Variants in CATSPERE observed in about 807,000 individuals in gnomAD.
CATSPERE encodes the protein cation channel sperm-associated auxiliary subunit epsilon.
A neutral mutation model predicts 114.1 loss-of-function variants in CATSPERE; 93 were observed. The ratio of observed to expected loss-of-function variants is 0.81; its 90% CI spans 0.69 to 0.97. The LOEUF (loss-of-function observed/expected upper bound fraction) is 0.97, where lower values mean the gene tolerates loss of function less well. Ranked by LOEUF, CATSPERE falls within the 50% of genes least tolerant of loss-of-function variation. The pLI is 0.00. For missense variants in CATSPERE, 1,058 were observed against 1,131.6 expected (o/e 0.93, Z 0.93); for synonymous variants, 341 against 384.1 (o/e 0.89, Z 1.31).
intron 10 of CATSPERE, among the ~76,000 whole-genome samples, chr1:244,564,229 A>C (rs1663050525): frequency 6.6e-6 from 1 of 152,190 alleles, no homozygotes; most frequent in Non-Finnish European, 1.5e-5. Flanking sequence ...TGTCTTGGCT[A>C]TACAGGCTCT....
chr1:244,623,058 TTTTATTTATTTA>T (rs6143712), intron 20 of CATSPERE, among the ~76,000 whole-genome samples: 1 of 145,508 alleles, frequency 6.9e-6, no homozygotes. Context: ...TTTGTCTTAT[TTTTATTTATTTA>T]TTTATTTATT....
rs1026740979 is a variant in CATSPERE, at chr1:244,568,605, G to C, written c.1508-3725G>C. 1.3e-5 allele frequency among the ~76,000 whole-genome samples: 2 copies of C among 152,150 alleles called. No individual in the cohort carries two copies. The highest frequency in any genetic ancestry group is 4.8e-5 in the African/African-American group (2 of 41,448). On this transcript the variant is annotated intron_variant, in intron 10 of 21. Coordinates refer to ENST00000366534, the MANE Select transcript of CATSPERE (RefSeq NM_001130957.2). This position sits in a 1 kb window ranked among gnomAD's most constrained non-coding sequence, Gnocchi z 4.4. The stretch of plus-strand genomic sequence containing the variant: ...GCTGTGCCGAGCTGTGGTGGGCTCC[G>C]CCCAGTTAGAACTTCCTGGCAGCTT...
intron 5 of CATSPERE, among the ~76,000 whole-genome samples, chr1:244,487,296 G>A (rs1213246998): frequency 6.6e-6 from 1 of 152,070 alleles, no homozygotes; most frequent in African/African-American, 2.4e-5. Flanking sequence ...TAGTCACCTG[G>A]TGGGTGGTTC....
At chr1:244,526,762 C>A (rs1024232959) in intron 8 of CATSPERE, among the ~76,000 whole-genome samples, 10 of 151,894 alleles carry the variant, frequency 6.6e-5, no homozygotes, top group African/African-American at 2.2e-4. Flanking sequence ...GGAACCTGCC[C>A]CCGCTAGTCA....
At chr1:244,451,868 G>C, upstream of CATSPERE, 1 of 1,489,362 alleles carries the variant, frequency 6.7e-7, no homozygotes, top group Non-Finnish European at 8.9e-7. The surrounding 1 kb of genome is among the most constrained non-coding windows in gnomAD (Gnocchi z 6.6). Flanking sequence ...GGCGAGGAGT[G>C]AGCGAACTGA....
intron 7 of CATSPERE, 21 bp downstream of exon 7, chr1:244,499,100 C>A: frequency 1.3e-6 from 2 of 1,552,392 alleles, no homozygotes; most frequent in Non-Finnish European, 1.8e-6. Context: ...ACATTAGTAT[C>A]GTCATAGTAA....
At chr1:244,489,205 C>A (rs888030504) in intron 5 of CATSPERE, among the ~76,000 whole-genome samples, 65 of 152,248 alleles carry the variant, frequency 4.3e-4, no homozygotes, top group African/African-American at 1.5e-3. Context: ...CTCAAGCAGT[C>A]CTCCTGCCTC....
At chr1:244,625,094 T>A (rs756482405) in intron 20 of CATSPERE, among the ~76,000 whole-genome samples, 2 of 152,058 alleles carry the variant, frequency 1.3e-5, no homozygotes, top group Non-Finnish European at 2.9e-5. Flanking sequence ...TCTAGAATGG[T>A]GAATACTTTC....
chr1:244,599,250 A>G (rs944268625), intron 17 of CATSPERE, among the ~76,000 whole-genome samples: 1 of 152,166 alleles, frequency 6.6e-6, no homozygotes, highest in Admixed American at 6.6e-5. Context: ...CTAAATACAT[A>G]TATCACTTTT....
intron 8 of CATSPERE, among the ~76,000 whole-genome samples, chr1:244,538,767 C>T (rs1311131684): frequency 6.6e-6 from 1 of 152,186 alleles, no homozygotes; most frequent in Non-Finnish European, 1.5e-5. Context: ...GGACCCTTCA[C>T]AGGAGGCTTA....
At chr1:244,489,259 C>T (rs562415824) in intron 5 of CATSPERE, among the ~76,000 whole-genome samples, 23 of 152,226 alleles carry the variant, frequency 1.5e-4, no homozygotes, top group East Asian at 3.9e-4. Flanking sequence ...CCACCAGGCC[C>T]GGCCTGTTAT....
chr1:244,630,663 AG>A (rs1382622978), intron 20 of CATSPERE, among the ~76,000 whole-genome samples: 1 of 152,216 alleles, frequency 6.6e-6, no homozygotes, highest in African/African-American at 2.4e-5. Context: ...GTTAGCATGC[AG>A]GAAGTTTACT....
chr1:244,615,987 G>C (rs2148705038), intron 19 of CATSPERE, among the ~76,000 whole-genome samples: 1 of 150,002 alleles, frequency 6.7e-6, no homozygotes, highest in East Asian at 2.0e-4. Context: ...AAATTAGCCA[G>C]GCATGGTGGC....
intron 8 of CATSPERE, among the ~76,000 whole-genome samples, chr1:244,541,314 AAAAC>A (rs1228741927): frequency 8.0e-5 from 12 of 149,228 alleles, no homozygotes; most frequent in Admixed American, 3.3e-4. Flanking sequence ...TTACAAGAAA[AAAAC>A]AAACAACCCC....
At chr1:244,550,515 AAAACAGTCAT>A (rs966381063) in intron 8 of CATSPERE, among the ~76,000 whole-genome samples, 3 of 152,192 alleles carry the variant, frequency 2.0e-5, no homozygotes, top group African/African-American at 7.2e-5. Context: ...CCATTCAAAC[AAAACAGTCAT>A]AAATGTCTAG....
At chr1:244,462,017 A>G (rs534720535) in intron 1 of CATSPERE, among the ~76,000 whole-genome samples, 1 of 152,228 alleles carries the variant, frequency 6.6e-6, no homozygotes, top group South Asian at 2.1e-4. Context: ...GGGTCTCACA[A>G]TATTGCCCAG....
At chr1:244,525,082 A>C (rs1326568242) in intron 8 of CATSPERE, among the ~76,000 whole-genome samples, 1 of 147,696 alleles carries the variant, frequency 6.8e-6, no homozygotes, top group Non-Finnish European at 1.5e-5. Context: ...AAGACTTGGA[A>C]CCAACCCAAA....
At chr1:244,468,357 G>T (rs1391301343) in intron 2 of CATSPERE, among the ~76,000 whole-genome samples, 3 of 152,082 alleles carry the variant, frequency 2.0e-5, no homozygotes, top group African/African-American at 4.8e-5. Flanking sequence ...CTCCCAAAGT[G>T]CTGGGATTAC....
intron 7 of CATSPERE, among the ~76,000 whole-genome samples, chr1:244,511,455 A>G (rs1205360402): frequency 6.6e-6 from 1 of 152,174 alleles, no homozygotes; most frequent in Non-Finnish European, 1.5e-5. Flanking sequence ...CAATTCATTT[A>G]CATTACATTC....
Sources: gnomAD v4.1 joint callset for allele counts (sites outside exome capture counted in the v4.1 genomes callset) on GRCh38, gnomAD v4.1.1 for gene constraint, Gnocchi (gnomAD v3.1) non-coding constraint, MANE v1.5 for transcripts, NCBI Gene and HGNC (gene_info 2026-07-23, HGNC 2026-07-21) for gene names.